The following ARAP2 variants were observed in gnomAD, a reference collection of about 807,000 sequenced individuals.
The protein encoded by ARAP2 is arf-GAP with Rho-GAP domain, ANK repeat and PH domain-containing protein 2.
ARAP2 carries 148 observed loss-of-function variants against 194.5 expected under a neutral mutation model. The ratio of observed to expected loss-of-function variants is 0.76; its 90% CI spans 0.67 to 0.87. The LOEUF (loss-of-function observed/expected upper bound fraction) is 0.87. Among genes scored for constraint, ARAP2 ranks in the 40% least tolerant of loss-of-function variants. ARAP2 has a pLI of 0.00. For missense variants in ARAP2, 2,128 were observed against 1,989.7 expected (o/e 1.07, Z -1.32); for synonymous variants, 695 against 683.5 (o/e 1.02, Z -0.26).
intron 24 of ARAP2, among the ~76,000 whole-genome samples, chr4:36,118,061 C>A (rs1031828906): frequency 1.4e-4 from 21 of 150,932 alleles, no homozygotes; most frequent in African/African-American, 5.1e-4. Context: ...AATGAGTAAA[C>A]TTGTGGGGAA....
intron 2 of ARAP2, among the ~76,000 whole-genome samples, chr4:36,217,820 A>AATAATACTAGATAATACTAGATATATG (rs1167033757): frequency 6.6e-6 from 1 of 151,426 alleles, no homozygotes; most frequent in East Asian, 1.9e-4. Context: ...ATACTAGATA[A>AATAATACTAGATAATACTAGATATATG]ATAATACTAG....
chr4:36,190,115 C>T (rs1239430531), intron 7 of ARAP2, among the ~76,000 whole-genome samples: 1 of 152,204 alleles, frequency 6.6e-6, no homozygotes, highest in Non-Finnish European at 1.5e-5. Context: ...ACTGTTTGCT[C>T]TGCAACGAAT....
rs777928114 is a variant in ARAP2 at position 36,084,361 on chromosome 4, G to A, written c.4426-911C>T. Among the ~76,000 whole-genome samples, 185 of 152,168 alleles carry A rather than the reference G, an allele frequency of 1.2e-3. 3 individuals are homozygous for A. The highest frequency in any genetic ancestry group is 5.4e-4 in the Non-Finnish European group (37 of 67,996). ...CTCCCCATCACCAATGTTGACTGGG[G>A]TAGTACCTTGTATTCAAAGATATTC... On this transcript the variant is annotated intron_variant, in intron 28 of 32. Coordinates refer to ENST00000303965, the MANE Select transcript of ARAP2 (RefSeq NM_015230.4).
At chr4:36,054,868 C>T (rs1429950549) in intron 2 of ARAP2, among the ~76,000 whole-genome samples, 2 of 151,948 alleles carry the variant, frequency 1.3e-5, no homozygotes, top group African/African-American at 4.8e-5. Context: ...ATAGAAGATC[C>T]CCTGATAGTC....
At chr4:36,242,462 A>AAAC (rs532520114) in intron 1 of ARAP2, among the ~76,000 whole-genome samples, 5 of 152,278 alleles carry the variant, frequency 3.3e-5, no homozygotes, top group South Asian at 4.1e-4. Flanking sequence ...TAACAAAACG[A>AAAC]AACAACAACA....
rs76329321 is a variant in ARAP2 at position 36,009,245 on chromosome 4, C to A, written n.1326-2199G>T. Among the ~76,000 whole-genome samples, 1,226 of 152,192 alleles carry A rather than the reference C, an allele frequency of 8.1e-3. 19 individuals are homozygous for A. The highest frequency in any genetic ancestry group is 0.028 in the African/African-American group (1,175 of 41,544). ...GTTCTACCAAAAAGAACAATATGTTCATCACAGCATTATTCACAATAACAA... is the reference window on the plus strand; with the variant it reads ...GTTCTACCAAAAAGAACAATATGTTAATCACAGCATTATTCACAATAACAA... On this transcript the variant is annotated intron_variant and non_coding_transcript_variant, in intron 9 of 12. Coordinates refer to the ARAP2 transcript ENST00000503225.
At chr4:36,155,639 T>A (rs1351836630) in intron 15 of ARAP2, among the ~76,000 whole-genome samples, 2 of 151,210 alleles carry the variant, frequency 1.3e-5, no homozygotes, top group African/African-American at 4.9e-5. Context: ...AGGTCTTTTT[T>A]ATTTTTTATT....
chr4:36,026,524 A>C (rs925690276), intron 5 of ARAP2, among the ~76,000 whole-genome samples: 8 of 152,182 alleles, frequency 5.3e-5, no homozygotes, highest in African/African-American at 1.9e-4. Context: ...TGAGTCTGAC[A>C]GGCCTGAATC....
rs752726484 is a variant in ARAP2, at chr4:36,128,552, T to C, written c.3621A>G (p.Pro1207=). 1.2e-5 allele frequency: 19 copies of C among 1,611,782 alleles called. No individual in the cohort carries two copies. Among genetic ancestry groups the C allele is most frequent in the Admixed American group, 1.2e-4 (7 of 59,674 alleles). ...DDALLTKELY[P]YWISALDTQD... ...TATTACCTAAAGCAGAGATCCAATA[T>C]GGGTAGAGCTCCTTAGTAAGCAGTG... is the stretch of plus-strand genomic sequence containing the variant. Residue 1207 remains proline (P), a synonymous_variant, in exon 21 of 33, where the codon CCA becomes CCG. Transcript: ENST00000303965.
chr4:36,135,837 T>C (rs1726575891), intron 19 of ARAP2, among the ~76,000 whole-genome samples: 1 of 151,782 alleles, frequency 6.6e-6, no homozygotes, highest in Admixed American at 6.6e-5. Context: ...AACTATTTGC[T>C]TATAAACAAC....
At chr4:36,100,092 C>T (rs1303395249) in intron 27 of ARAP2, among the ~76,000 whole-genome samples, 1 of 151,990 alleles carries the variant, frequency 6.6e-6, no homozygotes, top group Admixed American at 6.6e-5. Context: ...ACTATAATGC[C>T]TGTTTCTCCA....
intron 26 of ARAP2, among the ~76,000 whole-genome samples, chr4:36,108,540 C>T (rs1719027786): frequency 6.6e-6 from 1 of 151,944 alleles, no homozygotes; most frequent in Non-Finnish European, 1.5e-5. Flanking sequence ...ATATTATAGA[C>T]TAACTATTGA....
At chr4:36,228,472 G>T in intron 2 of ARAP2, 110 bp downstream of exon 2, 1 of 1,177,202 alleles carries the variant, frequency 8.5e-7, no homozygotes, top group Non-Finnish European at 1.2e-6. Flanking sequence ...GGTTGAATAG[G>T]TAAATGAATA....
rs975480470 is a variant in ARAP2, at chr4:36,244,227, G to A, written c.-208C>T. 1 of 151,960 alleles carries A rather than the reference G, an allele frequency of 6.6e-6. No individual in the cohort carries two copies. 9.4% of individuals were successfully genotyped at this position (151,960 alleles called of 1,614,324 possible). Reference sequence around the variant, plus strand: ...GAAAAGCGAGGTGAGGCGGCGCTGGGAAGCTCAGCGCCGGCGTCTCTCCCA... The same window carrying A: ...GAAAAGCGAGGTGAGGCGGCGCTGGAAAGCTCAGCGCCGGCGTCTCTCCCA... On this transcript the variant is annotated 5_prime_UTR_variant, in exon 1 of 33. Coordinates refer to ENST00000303965, the MANE Select transcript of ARAP2 (RefSeq NM_015230.4).
intron 5 of ARAP2, among the ~76,000 whole-genome samples, chr4:36,041,398 T>C (rs563640516): frequency 2.8e-4 from 43 of 152,214 alleles, no homozygotes; most frequent in African/African-American, 7.9e-4. Context: ...CAAAAGTAAA[T>C]GTGTATGCAG....
At chr4:36,020,204 A>G (rs1716670294) in intron 5 of ARAP2, among the ~76,000 whole-genome samples, 1 of 152,206 alleles carries the variant, frequency 6.6e-6, no homozygotes, top group Non-Finnish European at 1.5e-5. Context: ...TGCTGTCAGG[A>G]GTTCAAAACC....
At chr4:36,206,491 T>C (rs1267872960) in intron 6 of ARAP2, among the ~76,000 whole-genome samples, 1 of 152,192 alleles carries the variant, frequency 6.6e-6, no homozygotes, top group Non-Finnish European at 1.5e-5. Context: ...CCTTTCCCTG[T>C]AGACAGAAGA....
intron 19 of ARAP2, among the ~76,000 whole-genome samples, chr4:36,135,057 T>C (rs1726348185): frequency 6.6e-6 from 1 of 151,910 alleles, no homozygotes; most frequent in Non-Finnish European, 1.5e-5. Context: ...AGTGGATACA[T>C]AGCAGTTTTA....
chr4:36,232,937 T>A (rs890125037), intron 1 of ARAP2, among the ~76,000 whole-genome samples: 1 of 152,186 alleles, frequency 6.6e-6, no homozygotes, highest in Non-Finnish European at 1.5e-5. Flanking sequence ...GGCAGACACA[T>A]ACATACTTCC....
Sources: gnomAD v4.1 joint callset for allele counts (sites outside exome capture counted in the v4.1 genomes callset) on GRCh38, gnomAD v4.1.1 for gene constraint, MANE v1.5 for transcripts, NCBI Gene and HGNC (gene_info 2026-07-23, HGNC 2026-07-21) for gene names.